The following TNPO2 variants were observed in gnomAD, a reference collection of about 807,000 sequenced individuals.
TNPO2 encodes the protein transportin 2.
TNPO2 carries 16 observed loss-of-function variants against 111.1 expected under a neutral mutation model. The ratio of observed to expected loss-of-function variants is 0.14; its 90% confidence interval spans 0.10 to 0.22. TNPO2 has a LOEUF of 0.22. Among genes scored for constraint, TNPO2 ranks in the 10% least tolerant of loss-of-function variants. TNPO2 has a pLI of 1.00. For synonymous variants in TNPO2, 481 were observed against 475.8 expected, an observed-to-expected ratio of 1.01 and a Z score of -0.14; for missense variants, 530 against 1,173.7, an observed-to-expected ratio of 0.45 and a Z score of 8.01.
Position 12,721,654 on chromosome 19 carries a change from C to A in TNPO2, c.-13-664G>T. Reference sequence around the variant, plus strand: ...TTCTAAGGATTCCCCTTAATCAGGCCCAAAGCAGTCCCCAGGTAGGTCTCT... The same window carrying A: ...TTCTAAGGATTCCCCTTAATCAGGCACAAAGCAGTCCCCAGGTAGGTCTCT... On this transcript the variant is annotated intron_variant, in intron 2 of 25. Coordinates refer to ENST00000425528, the MANE Select transcript of TNPO2 (RefSeq NM_001382241.1). This position sits in a 1 kb window ranked among gnomAD's most constrained non-coding sequence, Gnocchi z 4.9. 1 of 249,888 alleles carries A rather than the reference C, an allele frequency of 4.0e-6. No homozygotes were observed. Among genetic ancestry groups the A allele is most frequent in the Non-Finnish European group, 7.9e-6 (1 of 126,524 alleles). 15.5% of individuals were successfully genotyped at this position (249,888 alleles called of 1,614,324 possible). A position where few individuals can be genotyped will look rare whatever the true frequency, so the allele number is the denominator to read the frequency against.
intron 13 of TNPO2, among the ~76,000 whole-genome samples, chr19:12,709,874 C>G (rs1169554929): frequency 6.6e-6 from 1 of 152,106 alleles, no homozygotes; most frequent in African/African-American, 2.4e-5. Context: ...CTGCTTCAGC[C>G]TCCTGAGTAG....
In TNPO2 at chr19:12,703,151, A is replaced by C. The variant is rs1057002874; in HGVS notation, c.2210-233T>G. On this transcript the variant is annotated intron_variant, in intron 20 of 25. Coordinates refer to ENST00000425528, the MANE Select transcript of TNPO2 (RefSeq NM_001382241.1). ...GCTTCTCTGGAGTCGCTAAGGTGAC[A>C]ACACGCTGCCCAAGTCAAAGGAAAA... The C allele has an allele frequency of 2.5e-5, 15 of 588,874 alleles. No homozygotes were observed. The African/African-American group carries it at 2.8e-4, about 11-fold the overall frequency. The allele number at this position is 588,874 out of a possible 1,614,324, so 36.5% of individuals were successfully genotyped here. A position where few individuals can be genotyped will look rare whatever the true frequency, so the allele number is the denominator to read the frequency against.
chr19:12,699,286 G>GT lies in TNPO2; in HGVS notation c.*1977dup. The stretch of plus-strand genomic sequence containing the variant: ...CGGCGCCAATCCCCAGCACAGCACA[G>GT]TAACAAATGGACAGACCCGGGAGCC... On this transcript the variant is annotated 3_prime_UTR_variant, in exon 26 of 26. Transcript: ENST00000425528. The GT allele has an allele frequency of 2.3e-6, 1 of 444,368 alleles. No individual in the cohort carries two copies. The highest frequency in any genetic ancestry group is 4.5e-6 in the Non-Finnish European group (1 of 221,432). 27.5% of individuals were successfully genotyped at this position (444,368 alleles called of 1,614,324 possible).
chr19:12,719,378 C>G lies in TNPO2; in HGVS notation c.100-42G>C. The G allele has an allele frequency of 6.4e-7, 1 of 1,556,390 alleles. No individual in the cohort carries two copies. Among genetic ancestry groups the G allele is most frequent in the South Asian group, 1.1e-5 (1 of 89,166 alleles). ...GGACTTGGAAGACAGAGGCCTTCCC[C>G]CAGCCAGGTCCCCTCATTATGTACC... On this transcript the variant is annotated intron_variant, in intron 3 of 25. Coordinates refer to ENST00000425528, the MANE Select transcript of TNPO2 (RefSeq NM_001382241.1). This position sits in a 1 kb window ranked among gnomAD's most constrained non-coding sequence, Gnocchi z 5.0.
Position 12,702,904 on chromosome 19 carries a change from G to A in TNPO2, c.2224C>T (p.Pro742Ser). The A allele has an allele frequency of 6.2e-7, 1 of 1,613,842 alleles. No individual in the cohort carries two copies. Among genetic ancestry groups the A allele is most frequent in the Non-Finnish European group, 8.5e-7 (1 of 1,179,766 alleles). ...ICMQMGAEMQ[P>S]YVQMVLNNLV... ...TTGTTGAGGACCATCTGCACATAAG[G>A]CTGCATCTCTGCCCCTGGGGGAGCA... is the stretch of plus-strand genomic sequence containing the variant. The change falls in exon 21 of 26, where the codon CCT (proline) becomes TCT (serine). Residue 742 changes from proline to serine, a missense_variant. Around this residue, in one of 4 missense-constraint regions of TNPO2, gnomAD observed 183 missense variants for 481.0 expected, o/e 0.38. Coordinates refer to ENST00000425528, the MANE Select transcript of TNPO2 (RefSeq NM_001382241.1). The surrounding 1 kb of genome is among the most constrained non-coding windows in gnomAD (Gnocchi z 5.5).
chr19:12,704,034 T>C (rs1165891623), intron 18 of TNPO2, among the ~76,000 whole-genome samples: 1 of 152,116 alleles, frequency 6.6e-6, no homozygotes, highest in Non-Finnish European at 1.5e-5. Flanking sequence ...CCTGCAGATA[T>C]AAAAATCCAC....
intron 2 of TNPO2, chr19:12,722,643 G>A (rs1257579433): frequency 6.8e-6 from 1 of 147,086 alleles, no homozygotes; most frequent in Non-Finnish European, 1.5e-5. Flanking sequence ...CGCGGCTCCC[G>A]TACTCCGTTC....
At chr19:12,713,526 A>C (rs1373241934) in intron 10 of TNPO2, among the ~76,000 whole-genome samples, 1 of 151,264 alleles carries the variant, frequency 6.6e-6, no homozygotes, top group Non-Finnish European at 1.5e-5. Flanking sequence ...TAAACATACA[A>C]TATGCTGGGC....
intron 19 of TNPO2, 58 bp downstream of exon 19, chr19:12,703,656 C>A: frequency 6.3e-7 from 1 of 1,589,418 alleles, no homozygotes; most frequent in Non-Finnish European, 8.6e-7. Context: ...GGGTATTGCT[C>A]TCCATCACTT....
rs10415321 is a variant in TNPO2, at chr19:12,705,976, T to C, written c.1669-208A>G. 32,563 of 661,780 alleles carry C rather than the reference T, an allele frequency of 0.049. 5,532 individuals carry two copies. The highest frequency in any genetic ancestry group is 0.44 in the African/African-American group (23,759 of 54,070). 41.0% of individuals were successfully genotyped at this position (661,780 alleles called of 1,614,324 possible). A position where few individuals can be genotyped will look rare whatever the true frequency, so the allele number is the denominator to read the frequency against. ...CACCCCACCCCCCGGGAGCCTGGGT[T>C]ACCACCTCCTGGTTCCCGAAGCACA... On this transcript the variant is annotated intron_variant, in intron 15 of 25. Transcript: ENST00000425528. This position sits in a 1 kb window ranked among gnomAD's most constrained non-coding sequence, Gnocchi z 7.2.
rs150488608 is a variant in TNPO2 at position 12,714,949 on chromosome 19, G to A, written c.772-10C>T. ...TCCTCTGCAGCATGTACTGTGGTAGGGGGGAGAAGCTGAGGCCTGGCCTGG... is the reference window on the plus strand; with the variant it reads ...TCCTCTGCAGCATGTACTGTGGTAGAGGGGAGAAGCTGAGGCCTGGCCTGG... On this transcript the variant is annotated splice_polypyrimidine_tract_variant and intron_variant, in intron 9 of 25. Transcript: ENST00000425528. 798 of 1,606,798 alleles carry A rather than the reference G, an allele frequency of 5.0e-4. 8 individuals carry two copies. The East Asian group carries it at 0.017, about 35-fold the overall frequency.
In TNPO2 at chr19:12,702,099, G is replaced by A; in HGVS notation, c.2384C>T (p.Pro795Leu). Reference protein sequence around the residue: ...LGYVCPQEVAPMLQQFIRPWC... With the variant: ...LGYVCPQEVALMLQQFIRPWC... ...AGGCCGGATGAACTGCTGCAGCATG[G>A]GTGCCACCTCCTGGGGGCACACGTA... Residue 795 changes from proline to leucine, a missense_variant, in exon 22 of 26, where the codon CCC (proline) becomes CTC (leucine). Pro to Leu is a moderately conservative substitution (Grantham distance 98). This residue lies in a region of TNPO2 where 103 missense variants were observed against 156.7 expected (regional missense o/e 0.66). Transcript: ENST00000425528. The surrounding 1 kb of genome is among the most constrained non-coding windows in gnomAD (Gnocchi z 5.5). The A allele has an allele frequency of 6.2e-7, 1 of 1,613,486 alleles. No homozygotes were observed. The highest frequency in any genetic ancestry group is 8.5e-7 in the Non-Finnish European group (1 of 1,179,798).
intron 13 of TNPO2, among the ~76,000 whole-genome samples, chr19:12,708,680 AAC>A (rs1395879688): frequency 2.0e-5 from 3 of 151,618 alleles, no homozygotes; most frequent in African/African-American, 7.3e-5. Flanking sequence ...CAGCTTGACC[AAC>A]ACAGTGAAAG....
rs183931052 is a variant in TNPO2 at position 12,705,363 on chromosome 19, G to A, written c.1899C>T (p.Pro633=). 8.4e-5 allele frequency: 133 copies of A among 1,587,508 alleles called. No individual in the cohort carries two copies. In the East Asian group the frequency reaches 1.8e-3, roughly 21 times the overall value. Residue 633 remains proline, a synonymous_variant, in exon 18 of 26, where the codon CCC becomes CCT. Coordinates refer to ENST00000425528, the MANE Select transcript of TNPO2 (RefSeq NM_001382241.1). This position sits in a 1 kb window ranked among gnomAD's most constrained non-coding sequence, Gnocchi z 7.2. The part of the protein sequence containing the change: ...YTQHPEQYEA[P]DKDFMIVALD... ...GTGCTACGATCATGAAGTCCTTGTCGGGAGCCTCATACTGCTCAGGGTGCT... is the reference window on the plus strand; with the variant it reads ...GTGCTACGATCATGAAGTCCTTGTCAGGAGCCTCATACTGCTCAGGGTGCT...
At position 12,705,712 on chromosome 19, in the gene TNPO2, G is replaced by T; in HGVS notation, c.1725C>A (p.Asp575Glu). The T allele has an allele frequency of 6.7e-7, 1 of 1,497,446 alleles. No individual in the cohort carries two copies. Among genetic ancestry groups the T allele is most frequent in the Non-Finnish European group, 8.9e-7 (1 of 1,118,444 alleles). 92.8% of individuals were successfully genotyped at this position (1,497,446 alleles called of 1,614,324 possible). Residue 575 changes from aspartate to glutamate, a missense_variant, in exon 16 of 26, where the codon GAC (aspartate) becomes GAA (glutamate). Around this residue, in one of 4 missense-constraint regions of TNPO2, gnomAD observed 183 missense variants for 481.0 expected, o/e 0.38. Coordinates refer to ENST00000425528, the MANE Select transcript of TNPO2 (RefSeq NM_001382241.1). The surrounding 1 kb of genome is among the most constrained non-coding windows in gnomAD (Gnocchi z 7.2). Reference protein sequence around the residue: ...PLIQKWNELKDEDKDLFPLLE... With the variant: ...PLIQKWNELKEEDKDLFPLLE... ...GCAGGGGGAAGAGGTCCTTGTCTTC[G>T]TCCTTGAGCTCATTCCACTTCTGGA...
At chr19:12,713,633 G>A (rs8113527) in intron 10 of TNPO2, among the ~76,000 whole-genome samples, 20,730 of 152,126 alleles carry the variant, frequency 0.14, 4,240 homozygotes, top group African/African-American at 0.44. Context: ...TTGAACCCGA[G>A]GGGCGGAGGT....
At position 12,705,463 on chromosome 19, in the gene TNPO2, G is replaced by A; in HGVS notation, c.1863+29C>T. On this transcript the variant is annotated intron_variant, in intron 17 of 25. Coordinates refer to ENST00000425528, the MANE Select transcript of TNPO2 (RefSeq NM_001382241.1). This position sits in a 1 kb window ranked among gnomAD's most constrained non-coding sequence, Gnocchi z 7.2. ...AGGCCCGAGGCAGGCCAATGCAGAA[G>A]CACAGGTGACGGGCCTAGGGTTGCT... The A allele has an allele frequency of 6.3e-7, 1 of 1,578,854 alleles. No homozygotes were observed. Among genetic ancestry groups the A allele is most frequent in the Admixed American group, 1.8e-5 (1 of 54,374 alleles).
rs757371085 is a variant in TNPO2 at position 12,715,037 on chromosome 19, C to A, written c.771+10G>T. On this transcript the variant is annotated intron_variant, in intron 9 of 25. Transcript: ENST00000425528. This position sits in a 1 kb window ranked among gnomAD's most constrained non-coding sequence, Gnocchi z 7.1. The stretch of plus-strand genomic sequence containing the variant: ...GCCTGCCCGCCTGGGCTGGCCTTGA[C>A]CATGCACACCTGGATGATGCTGTGC... The A allele has an allele frequency of 3.8e-6, 6 of 1,570,252 alleles. No homozygotes were observed. The African/African-American group carries it at 8.1e-5, about 21-fold the overall frequency.
At position 12,705,974 on chromosome 19, in the gene TNPO2, G is replaced by T. The variant is rs2025633653; in HGVS notation, c.1669-206C>A. 3.0e-6 allele frequency: 2 copies of T among 663,628 alleles called. No homozygotes were observed. Among genetic ancestry groups the T allele is most frequent in the Non-Finnish European group, 5.0e-6 (2 of 396,832 alleles). The allele number at this position is 663,628 out of a possible 1,614,324, so 41.1% of individuals were successfully genotyped here. A position where few individuals can be genotyped will look rare whatever the true frequency, so the allele number is the denominator to read the frequency against. On this transcript the variant is annotated intron_variant, in intron 15 of 25. Coordinates refer to ENST00000425528, the MANE Select transcript of TNPO2 (RefSeq NM_001382241.1). The surrounding 1 kb of genome is among the most constrained non-coding windows in gnomAD (Gnocchi z 7.2). ...CCCACCCCACCCCCCGGGAGCCTGG[G>T]TTACCACCTCCTGGTTCCCGAAGCA... is the stretch of plus-strand genomic sequence containing the variant.
Sources: gnomAD v4.1 joint callset for allele counts (sites outside exome capture counted in the v4.1 genomes callset) on GRCh38, gnomAD v4.1.1 for gene constraint, gnomAD v4.1.1 regional missense constraint, Gnocchi (gnomAD v3.1) non-coding constraint, MANE v1.5 for transcripts, NCBI Gene and HGNC (gene_info 2026-07-23, HGNC 2026-07-21) for gene names.